The following TBX15 variants were observed in gnomAD, a reference collection of about 807,000 sequenced individuals.
TBX15 encodes the protein T-box transcription factor 15.
A neutral mutation model predicts 53.9 loss-of-function variants in TBX15; 18 were observed. The ratio of observed to expected loss-of-function variants is 0.33; its 90% CI spans 0.23 to 0.49. The LOEUF (loss-of-function observed/expected upper bound fraction) is 0.49, where lower values mean the gene tolerates loss of function less well. Ranked by LOEUF, TBX15 falls within the 20% of genes least tolerant of loss-of-function variation. The pLI is 0.98. For synonymous variants in TBX15, 295 were observed against 278.0 expected, an observed-to-expected ratio of 1.06 and a Z score of -0.61; for missense variants, 692 against 749.5, an observed-to-expected ratio of 0.92 and a Z score of 0.90.
intron 7 of TBX15, 79 bp from the exon 8 acceptor site, chr1:118,885,595 G>C: frequency 1.3e-6 from 2 of 1,524,616 alleles, no homozygotes; most frequent in Non-Finnish European, 1.8e-6. Flanking sequence ...AGCCATACAG[G>C]AGGTGCCTTC....
intron 7 of TBX15, chr1:118,890,836 G>T: frequency 1.6e-6 from 2 of 1,269,784 alleles, no homozygotes; most frequent in South Asian, 1.3e-5. Context: ...CCCCATCTAG[G>T]CTAGTAAAGA....
chr1:118,967,589 A>T (rs535257168), intron 1 of TBX15, among the ~76,000 whole-genome samples: 3 of 152,334 alleles, frequency 2.0e-5, no homozygotes, highest in African/African-American at 7.2e-5. Flanking sequence ...GACAAGTAGA[A>T]GATAAAATAG....
At chr1:118,985,319 T>C (rs1657794698) in intron 1 of TBX15, among the ~76,000 whole-genome samples, 1 of 152,062 alleles carries the variant, frequency 6.6e-6, no homozygotes, top group African/African-American at 2.4e-5. Flanking sequence ...CATCTTTAAA[T>C]GTGTCCCTGT....
At chr1:118,934,605 G>A (rs1655904633) in intron 1 of TBX15, among the ~76,000 whole-genome samples, 1 of 152,154 alleles carries the variant, frequency 6.6e-6, no homozygotes, top group Non-Finnish European at 1.5e-5. Flanking sequence ...TACACAATGG[G>A]ACCTCTCTTC....
chr1:118,916,667 C>T (rs1655233226), intron 5 of TBX15, among the ~76,000 whole-genome samples: 1 of 152,048 alleles, frequency 6.6e-6, no homozygotes, highest in Non-Finnish European at 1.5e-5. Context: ...AGTTCAAGAC[C>T]AGCCTGGGAA....
chr1:118,952,719 T>G (rs572588212), intron 1 of TBX15, among the ~76,000 whole-genome samples: 4 of 152,330 alleles, frequency 2.6e-5, no homozygotes, highest in Admixed American at 2.0e-4. Flanking sequence ...CTAGCCATAG[T>G]AGTTTTGACC....
intron 6 of TBX15, chr1:118,901,347 T>G: frequency 2.2e-6 from 1 of 456,558 alleles, no homozygotes; most frequent in South Asian, 1.5e-5. Context: ...CACACTCCTG[T>G]GTTAATTAGC....
At chr1:118,892,097 A>C (rs962109099) in intron 7 of TBX15, among the ~76,000 whole-genome samples, 17 of 152,182 alleles carry the variant, frequency 1.1e-4, no homozygotes, top group African/African-American at 4.1e-4. Context: ...AGACATGATA[A>C]ATTACCTATG....
At chr1:118,955,687 G>T (rs1396309163) in intron 1 of TBX15, among the ~76,000 whole-genome samples, 1 of 152,144 alleles carries the variant, frequency 6.6e-6, no homozygotes, top group Non-Finnish European at 1.5e-5. Context: ...GTGAAAAAAG[G>T]CAGGGAATCA....
chr1:118,974,043 G>A (rs1413766822), intron 1 of TBX15, among the ~76,000 whole-genome samples: 3 of 152,202 alleles, frequency 2.0e-5, no homozygotes, highest in Non-Finnish European at 4.4e-5. Flanking sequence ...AAATGACCAA[G>A]GCCTGGCTGG....
chr1:118,916,153 T>A (rs936091040), intron 5 of TBX15, among the ~76,000 whole-genome samples: 3 of 152,222 alleles, frequency 2.0e-5, no homozygotes, highest in Non-Finnish European at 2.9e-5. Flanking sequence ...TCATCCATTT[T>A]TCCTCAAGGA....
rs1571150621 is a variant in TBX15, at chr1:118,893,529, G to GAAAGAAA, written c.1024+5498_1024+5499insTTTCTTT. Among the ~76,000 whole-genome samples, 10 of 47,784 alleles carry GAAAGAAA rather than the reference G, an allele frequency of 2.1e-4. No homozygotes were observed. In the South Asian group the frequency reaches 3.9e-3, roughly 19 times the overall value. The allele number at this position is 47,784 out of a possible 152,430, so 31.3% of individuals were successfully genotyped here. On this transcript the variant is annotated intron_variant, in intron 7 of 7. Transcript: ENST00000369429. ...AAGAAAGAAAGAAAGAAAGAAAGAA[G>GAAAGAAA]GAAAGAAAGATGGAAGGAAGGAAGG...
At chr1:118,948,507 G>T (rs944941664) in intron 1 of TBX15, among the ~76,000 whole-genome samples, 6 of 152,156 alleles carry the variant, frequency 3.9e-5, no homozygotes, top group Non-Finnish European at 7.3e-5. Flanking sequence ...GAAACCTCAG[G>T]TTTTACATAA....
intron 1 of TBX15, among the ~76,000 whole-genome samples, chr1:118,945,640 G>A (rs1005579593): frequency 6.6e-5 from 10 of 152,188 alleles, no homozygotes; most frequent in African/African-American, 1.7e-4. Flanking sequence ...CAGAGAATGT[G>A]GTTTTAGGAT....
Position 118,885,133 on chromosome 1 carries a change from C to T in TBX15, c.1408G>A (p.Gly470Arg), listed in dbSNP as rs781747223. The change falls in exon 8 of 8, where the codon GGG (glycine) becomes AGG (arginine). Residue 470 changes from glycine (G) to arginine (R), a missense_variant. Coordinates refer to ENST00000369429, the MANE Select transcript of TBX15 (RefSeq NM_001330677.2). ...TGAAACTGGGAAGTGGGAAAGGACC[C>T]CAGCTGGCCACCGTAGGCTTCCATC... ...SKMEAYGGQLGSFPTSQFQYV... is the reference protein window; with the variant it reads ...SKMEAYGGQLRSFPTSQFQYV... 7.4e-6 allele frequency: 12 copies of T among 1,614,036 alleles called. No homozygotes were observed. In the Admixed American group the frequency reaches 1.3e-4, roughly 18 times the overall value.
In TBX15 at chr1:118,987,570, G is replaced by A. The variant is rs558653268; in HGVS notation, c.205+21C>T. ...CGTCCCCTCTCCGCCCGCCTCCCGC[G>A]GTCGGCTGCGACGCACTCACCCGGG... On this transcript the variant is annotated intron_variant, in intron 1 of 7. Transcript: ENST00000369429. 7.2e-6 allele frequency: 11 copies of A among 1,537,770 alleles called. 1 individual carries two copies. In the South Asian group the frequency reaches 1.2e-4, roughly 17 times the overall value.
In TBX15 at chr1:118,923,427, A is replaced by G; in HGVS notation, c.861+9T>C. On this transcript the variant is annotated intron_variant, in intron 5 of 7. Coordinates refer to ENST00000369429, the MANE Select transcript of TBX15 (RefSeq NM_001330677.2). ...ATGTAGCAGAAGACTCTCAAGGGCC[A>G]CCTCTTACCTGCTGATTCTGATAGG... 5 of 1,613,728 alleles carry G rather than the reference A, an allele frequency of 3.1e-6. No individual in the cohort carries two copies. Among genetic ancestry groups the G allele is most frequent in the Non-Finnish European group, 4.2e-6 (5 of 1,179,824 alleles).
intron 1 of TBX15, among the ~76,000 whole-genome samples, chr1:118,956,163 T>A (rs1372223363): frequency 2.0e-5 from 3 of 152,186 alleles, no homozygotes; most frequent in Non-Finnish European, 4.4e-5. Context: ...TTCCCAGCCT[T>A]CAGAACTGTT....
At chr1:118,981,857 G>A (rs1657663872) in intron 1 of TBX15, among the ~76,000 whole-genome samples, 1 of 152,178 alleles carries the variant, frequency 6.6e-6, no homozygotes, top group African/African-American at 2.4e-5. Flanking sequence ...CCCTGAGTAT[G>A]TCAGTCATGC....
Sources: gnomAD v4.1 joint callset for allele counts (sites outside exome capture counted in the v4.1 genomes callset) on GRCh38, gnomAD v4.1.1 for gene constraint, MANE v1.5 for transcripts, NCBI Gene and HGNC (gene_info 2026-07-23, HGNC 2026-07-21) for gene names.